The following OPHN1 variants were observed in gnomAD, a reference collection of about 807,000 sequenced individuals.
OPHN1 encodes the protein oligophrenin-1.
OPHN1 carries 11 observed loss-of-function variants against 60.7 expected under a neutral mutation model. The observed-to-expected ratio is 0.18, with a 90% CI of 0.11 to 0.30. OPHN1 has a LOEUF of 0.30. OPHN1 is among the 10% of genes least tolerant of loss of function. OPHN1 has a pLI of 1.00. For synonymous variants in OPHN1, 226 were observed against 222.6 expected (o/e 1.02, Z -0.14); for missense variants, 449 against 611.0 (o/e 0.73, Z 2.80).
intron 2 of OPHN1, among the ~76,000 whole-genome samples, chrX:68,378,510 G>A (rs1297186511): frequency 9.8e-5 from 11 of 111,906 alleles, no homozygotes; most frequent in African/African-American, 3.6e-4. Flanking sequence ...CCTTGCCCAT[G>A]CCTATGTCCT....
chrX:68,340,038 A>G (rs977797036), intron 2 of OPHN1, among the ~76,000 whole-genome samples: 1 of 112,565 alleles, frequency 8.9e-6, no homozygotes, highest in Non-Finnish European at 1.9e-5. Flanking sequence ...GGAAACTACA[A>G]AACACTGGTG....
intron 2 of OPHN1, among the ~76,000 whole-genome samples, chrX:68,390,458 G>A (rs2078648105): frequency 9.0e-6 from 1 of 110,756 alleles, no homozygotes. Flanking sequence ...AACTAACAGG[G>A]TGTGGTGGTG....
chrX:68,197,706 C>T (rs1009452990), intron 11 of OPHN1, among the ~76,000 whole-genome samples: 25 of 111,071 alleles, frequency 2.3e-4, no homozygotes, highest in Non-Finnish European at 1.9e-5. Context: ...CCTGCGATGT[C>T]CAAGAAACAT....
chrX:68,075,433 C>T (rs2076949918), intron 19 of OPHN1, among the ~76,000 whole-genome samples: 2 of 112,126 alleles, frequency 1.8e-5, no homozygotes, highest in African/African-American at 6.5e-5. Context: ...AATTGATCTA[C>T]AGACTGAACA....
At chrX:68,329,429 A>G (rs905800233) in intron 2 of OPHN1, among the ~76,000 whole-genome samples, 1 of 112,494 alleles carries the variant, frequency 8.9e-6, no homozygotes, top group East Asian at 2.8e-4. Flanking sequence ...AATATTAGAA[A>G]TAGCCTACAT....
chrX:68,083,141 C>T (rs1038641266), intron 19 of OPHN1, among the ~76,000 whole-genome samples: 7 of 84,884 alleles, frequency 8.2e-5, no homozygotes, highest in African/African-American at 2.6e-4. Context: ...GGCGCAATCT[C>T]GGCTCACTGC....
intron 5 of OPHN1, among the ~76,000 whole-genome samples, chrX:68,236,264 C>A (rs2077752632): frequency 9.0e-6 from 1 of 111,730 alleles, no homozygotes; most frequent in South Asian, 3.8e-4. Context: ...GTTCCTCCAG[C>A]TGTTGAATCA....
chrX:68,325,559 T>C (rs1483388493), intron 2 of OPHN1, among the ~76,000 whole-genome samples: 2 of 92,916 alleles, frequency 2.2e-5, no homozygotes, highest in Non-Finnish European at 4.2e-5. Context: ...ATAATCTAAA[T>C]GTGAAAAGCA....
intron 19 of OPHN1, among the ~76,000 whole-genome samples, chrX:68,092,670 A>C (rs1242234228): frequency 9.0e-6 from 1 of 111,476 alleles, no homozygotes; most frequent in African/African-American, 3.3e-5. Flanking sequence ...CCTGGGAATA[A>C]GAGATAACTA....
chrX:68,393,900 T>G (rs1171892056), intron 2 of OPHN1, among the ~76,000 whole-genome samples: 3 of 76,603 alleles, frequency 3.9e-5, no homozygotes, highest in African/African-American at 1.3e-4. Context: ...TTTTTTTTTT[T>G]TTTTTTTTTT....
chrX:68,421,242 A>G (rs2078825085), intron 2 of OPHN1, among the ~76,000 whole-genome samples: 1 of 111,379 alleles, frequency 9.0e-6, no homozygotes, highest in Admixed American at 9.6e-5. Flanking sequence ...TTGTTACCCA[A>G]TTAGCACACT....
intron 11 of OPHN1, among the ~76,000 whole-genome samples, chrX:68,198,372 A>G (rs2077521497): frequency 9.0e-6 from 1 of 111,658 alleles, no homozygotes; most frequent in African/African-American, 3.3e-5. Flanking sequence ...CTCACCAGAC[A>G]CTGAAACTGC....
intron 2 of OPHN1, among the ~76,000 whole-genome samples, chrX:68,306,351 C>T (rs2147637901): frequency 8.9e-6 from 1 of 112,124 alleles, no homozygotes; most frequent in Admixed American, 9.5e-5. Flanking sequence ...AGATAATGAG[C>T]TCTTCATTAC....
chrX:68,376,531 T>C (rs1040242751), intron 2 of OPHN1, among the ~76,000 whole-genome samples: 10 of 111,239 alleles, frequency 9.0e-5, no homozygotes, highest in Non-Finnish European at 1.9e-5. Flanking sequence ...GTGGGTGTGT[T>C]ACTGGTTGCT....
At chrX:68,048,784 A>G (rs1295714154) in intron 23 of OPHN1, among the ~76,000 whole-genome samples, 2 of 112,043 alleles carry the variant, frequency 1.8e-5, no homozygotes, top group Admixed American at 1.9e-4. Context: ...GATAAGGGTG[A>G]GGACACAGAC....
intron 6 of OPHN1, among the ~76,000 whole-genome samples, chrX:68,217,339 G>A (rs1214231354): frequency 9.9e-5 from 11 of 111,670 alleles, no homozygotes; most frequent in Non-Finnish European, 2.1e-4. Context: ...CAAGGCGGCA[G>A]CGAGGCTGGG....
Position 68,324,959 on chromosome X carries a change from G to A in OPHN1, c.155-25863C>T, listed in dbSNP as rs181733593. ...CCAGCTACGCGGGAGGCTGAGGTCGGAGGATCACTTGAGCTTGGGAGGTCA... is the reference window on the plus strand; with the variant it reads ...CCAGCTACGCGGGAGGCTGAGGTCGAAGGATCACTTGAGCTTGGGAGGTCA... On this transcript the variant is annotated intron_variant, in intron 2 of 24. Transcript: ENST00000355520. Among the ~76,000 whole-genome samples, 32 of 111,315 alleles carry A rather than the reference G, an allele frequency of 2.9e-4. No homozygotes were observed. In the East Asian group the frequency reaches 5.7e-3, roughly 20 times the overall value.
intron 15 of OPHN1, among the ~76,000 whole-genome samples, chrX:68,181,817 G>C (rs2077438358): frequency 9.0e-6 from 1 of 111,545 alleles, no homozygotes; most frequent in Non-Finnish European, 1.9e-5. Flanking sequence ...AACAGAGCAA[G>C]ACTCCATCAA....
intron 16 of OPHN1, among the ~76,000 whole-genome samples, chrX:68,117,578 G>A (rs2077132516): frequency 9.0e-6 from 1 of 111,645 alleles, no homozygotes; most frequent in Admixed American, 9.5e-5. Context: ...TATGTGGCTG[G>A]AGCATAATTA....
Sources: allele counts gnomAD v4.1 joint callset (sites outside exome capture counted in the v4.1 genomes callset), GRCh38; gene constraint gnomAD v4.1.1; transcripts MANE v1.5; gene names NCBI Gene and HGNC (gene_info 2026-07-23, HGNC 2026-07-21).